The following TNFRSF8 variants were observed in gnomAD, a reference collection of about 807,000 sequenced individuals.
The protein encoded by TNFRSF8 is TNF receptor superfamily member 8, also known as tumor necrosis factor receptor superfamily member 8.
Under a neutral mutation model 70.8 loss-of-function variants are expected in TNFRSF8, and 26 were observed. The ratio of observed to expected loss-of-function variants is 0.37; its 90% CI spans 0.27 to 0.51. TNFRSF8 has a LOEUF of 0.51. Among genes scored for constraint, TNFRSF8 ranks in the 20% least tolerant of loss-of-function variants. The probability of loss-of-function intolerance (pLI) is 0.94; values close to 1 mark genes in which losing one functional copy is unlikely to be tolerated. For missense variants in TNFRSF8, 720 were observed against 807.9 expected, an observed-to-expected ratio of 0.89 and a Z score of 1.32; for synonymous variants, 356 against 339.2, an observed-to-expected ratio of 1.05 and a Z score of -0.54.
At position 12,078,974 on chromosome 1, in the gene TNFRSF8, G is replaced by A. The variant is rs918138816; in HGVS notation, c.64-5490G>A. ...AAGGTGGTGCCCCTGCTGCTGGCCC[G>A]GGGCCTCACCTTGAATAACAGAGCG... On this transcript the variant is annotated intron_variant, in intron 1 of 14. Coordinates refer to ENST00000263932, the MANE Select transcript of TNFRSF8 (RefSeq NM_001243.5). 2.0e-5 allele frequency among the ~76,000 whole-genome samples: 3 copies of A among 152,144 alleles called. No individual in the cohort carries two copies. In the East Asian group the frequency reaches 5.8e-4, roughly 29 times the overall value.
chr1:12,090,694 TG>T (rs1384541170), intron 2 of TNFRSF8, among the ~76,000 whole-genome samples: 1 of 150,756 alleles, frequency 6.6e-6, no homozygotes, highest in African/African-American at 2.4e-5. Context: ...GATTCAACCA[TG>T]GGGGGGCAGC....
chr1:12,081,179 A>G (rs1641056785), intron 1 of TNFRSF8, among the ~76,000 whole-genome samples: 1 of 152,126 alleles, frequency 6.6e-6, no homozygotes, highest in Non-Finnish European at 1.5e-5. Flanking sequence ...GGCAGGAGGG[A>G]AGCATAAGCA....
chr1:12,111,759 C>T (rs1641635501), intron 6 of TNFRSF8, 139 bp from the exon 7 acceptor site: 2 of 720,520 alleles, frequency 2.8e-6, no homozygotes, highest in African/African-American at 1.8e-5. Context: ...CTCAGGACTC[C>T]CTCTGAAAGG....
chr1:12,132,510 A>G (rs1642066611), intron 12 of TNFRSF8, among the ~76,000 whole-genome samples: 1 of 152,068 alleles, frequency 6.6e-6, no homozygotes, highest in South Asian at 2.1e-4. Context: ...GCATTGGGGG[A>G]AGAAGACCAC....
intron 1 of TNFRSF8, among the ~76,000 whole-genome samples, chr1:12,075,921 C>T (rs113900244): frequency 0.013 from 2,004 of 152,244 alleles, 38 homozygotes; most frequent in African/African-American, 0.045. Flanking sequence ...CCTGAGATAA[C>T]CTCCCCTCTG....
Position 12,108,329 on chromosome 1 carries a change from C to T in TNFRSF8, c.422-1237C>T, listed in dbSNP as rs1234071329. On this transcript the variant is annotated intron_variant, in intron 4 of 14. Coordinates refer to ENST00000263932, the MANE Select transcript of TNFRSF8 (RefSeq NM_001243.5). The surrounding 1 kb of genome is among the most constrained non-coding windows in gnomAD (Gnocchi z 4.0). ...TCCTGACCTCATGATCCGCCCACCTCGGCCTCCCAAAGTGTTGGGATTACA... is the reference window on the plus strand; with the variant it reads ...TCCTGACCTCATGATCCGCCCACCTTGGCCTCCCAAAGTGTTGGGATTACA... 3.3e-5 allele frequency among the ~76,000 whole-genome samples: 5 copies of T among 152,038 alleles called. No individual in the cohort carries two copies. Among genetic ancestry groups the T allele is most frequent in the Non-Finnish European group, 5.9e-5 (4 of 67,992 alleles).
chr1:12,140,407 C>G (rs893110089), intron 14 of TNFRSF8, among the ~76,000 whole-genome samples: 1 of 152,196 alleles, frequency 6.6e-6, no homozygotes, highest in Non-Finnish European at 1.5e-5. Context: ...GGGAACCAGG[C>G]AAGGGAAGAA....
intron 8 of TNFRSF8, among the ~76,000 whole-genome samples, chr1:12,120,742 G>T (rs1335420409): frequency 1.3e-5 from 2 of 152,126 alleles, no homozygotes; most frequent in African/African-American, 4.8e-5. Flanking sequence ...GAGAACACAG[G>T]CAGACCAACT....
rs1642200112 is a variant in TNFRSF8, at chr1:12,138,723, C to G, written c.1543+287C>G. Among the ~76,000 whole-genome samples the G allele has an allele frequency of 6.6e-6, 1 of 152,210 alleles. No individual in the cohort carries two copies. Among genetic ancestry groups the G allele is most frequent in the Non-Finnish European group, 1.5e-5 (1 of 68,038 alleles). On this transcript the variant is annotated intron_variant, in intron 14 of 14. Transcript: ENST00000263932. The surrounding 1 kb of genome is among the most constrained non-coding windows in gnomAD (Gnocchi z 5.7). ...CCCCAACACCGAGCACCCGAGGGGA[C>G]AGGAGGAAGACGTGCCAGTGGTCAC...
Position 12,107,169 on chromosome 1 carries a change from C to T in TNFRSF8, c.422-2397C>T, listed in dbSNP as rs578095813. Among the ~76,000 whole-genome samples, 14 of 152,206 alleles carry T rather than the reference C, an allele frequency of 9.2e-5. 1 individual carries two copies. Among genetic ancestry groups the T allele is most frequent in the Non-Finnish European group, 1.6e-4 (11 of 67,998 alleles). The stretch of plus-strand genomic sequence containing the variant: ...CAGCATTTTGGGAGGCTGAGGCAGG[C>T]GGATCACTTGAAGTCAGGAGTTTGA... On this transcript the variant is annotated intron_variant, in intron 4 of 14. Transcript: ENST00000263932.
intron 1 of TNFRSF8, among the ~76,000 whole-genome samples, chr1:12,077,708 A>C (rs1340003222): frequency 6.6e-6 from 1 of 152,150 alleles, no homozygotes; most frequent in Non-Finnish European, 1.5e-5. Flanking sequence ...CACTGGATTT[A>C]GGGACCAGTG....
In TNFRSF8 at chr1:12,112,124, C is replaced by G. The variant is rs955422127; in HGVS notation, c.793+110C>G. 5.4e-6 allele frequency: 4 copies of G among 735,842 alleles called. No individual in the cohort carries two copies. The highest frequency in any genetic ancestry group is 3.6e-5 in the African/African-American group (2 of 56,322). The allele number at this position is 735,842 out of a possible 1,614,324, so 45.6% of individuals were successfully genotyped here. A position where few individuals can be genotyped will look rare whatever the true frequency, so the allele number is the denominator to read the frequency against. ...TTTGTGGGTTTTTGATGGGGGTCGC[C>G]TCTTTTCAGAGGGCTTCCATTGGCA... On this transcript the variant is annotated intron_variant, in intron 7 of 14. Transcript: ENST00000263932. The surrounding 1 kb of genome is among the most constrained non-coding windows in gnomAD (Gnocchi z 5.3).
Position 12,063,533 on chromosome 1 carries a change from C to T in TNFRSF8, c.-66C>T. The T allele has an allele frequency of 7.8e-7, 1 of 1,279,834 alleles. No individual in the cohort carries two copies. 79.3% of individuals were successfully genotyped at this position (1,279,834 alleles called of 1,614,324 possible). On this transcript the variant is annotated 5_prime_UTR_variant, in exon 1 of 15. Coordinates refer to ENST00000263932, the MANE Select transcript of TNFRSF8 (RefSeq NM_001243.5). This position sits in a 1 kb window ranked among gnomAD's most constrained non-coding sequence, Gnocchi z 7.2. ...GAACCGCCGGGACCGCACGTGGGCG[C>T]CGCGCGCTTCCCCCGCTTCCCAGGT...
chr1:12,097,284 G>T (rs1641348434), intron 3 of TNFRSF8, 67 bp downstream of exon 3: 4 of 1,138,432 alleles, frequency 3.5e-6, no homozygotes, highest in Non-Finnish European at 5.3e-6. Flanking sequence ...GAGGAGAGGT[G>T]AAGAATCTGG....
intron 14 of TNFRSF8, among the ~76,000 whole-genome samples, chr1:12,140,121 G>C (rs987854711): frequency 6.6e-6 from 1 of 152,240 alleles, no homozygotes; most frequent in African/African-American, 2.4e-5. Context: ...GGTTCAGAGG[G>C]TGTTTGATGG....
chr1:12,143,084 TGGGG>T lies in TNFRSF8; in HGVS notation c.*554_*557del. 6.5e-6 allele frequency: 1 copy of T among 154,716 alleles called. No individual in the cohort carries two copies. The highest frequency in any genetic ancestry group is 1.9e-4 in the South Asian group (1 of 5,196). The allele number at this position is 154,716 out of a possible 1,614,324, so 9.6% of individuals were successfully genotyped here. The stretch of plus-strand genomic sequence containing the variant: ...CAGAGTCAAAAGGGAAGTCGAGGGA[TGGGG>T]CGTCGTCAGCTGGCACTGTCTCTGC... On this transcript the variant is annotated 3_prime_UTR_variant, in exon 15 of 15. Coordinates refer to ENST00000263932, the MANE Select transcript of TNFRSF8 (RefSeq NM_001243.5). The surrounding 1 kb of genome is among the most constrained non-coding windows in gnomAD (Gnocchi z 4.1).
intron 4 of TNFRSF8, among the ~76,000 whole-genome samples, chr1:12,105,994 T>A (rs1421978119): frequency 6.6e-6 from 1 of 150,920 alleles, no homozygotes; most frequent in Admixed American, 6.6e-5. Context: ...GTCCTTCAGG[T>A]CCCAAGGCCC....
intron 8 of TNFRSF8, among the ~76,000 whole-genome samples, chr1:12,122,627 G>A (rs549536741): frequency 1.3e-5 from 2 of 151,860 alleles, no homozygotes; most frequent in African/African-American, 4.8e-5. Context: ...AGTCTGGGCA[G>A]CAGAGGAAGA....
Position 12,125,972 on chromosome 1 carries a change from T to G in TNFRSF8, c.1175T>G (p.Ile392Ser). The part of the protein sequence containing the change: ...LDAGPVLFWV[I>S]LVLVVVVGSS... Reference sequence around the variant, plus strand: ...CCAGGGCCAGTGCTCTTCTGGGTGATCCTGGTGTTGGTTGTGGTGGTCGGC... The same window carrying G: ...CCAGGGCCAGTGCTCTTCTGGGTGAGCCTGGTGTTGGTTGTGGTGGTCGGC... Residue 392 changes from isoleucine (I) to serine (S), a missense_variant, in exon 11 of 15, where the codon ATC becomes AGC. Ile to Ser is a moderately radical substitution (Grantham distance 142). Coordinates refer to ENST00000263932, the MANE Select transcript of TNFRSF8 (RefSeq NM_001243.5). 1 of 1,614,102 alleles carries G rather than the reference T, an allele frequency of 6.2e-7. No individual in the cohort carries two copies.
Sources: allele counts gnomAD v4.1 joint callset (sites outside exome capture counted in the v4.1 genomes callset), GRCh38; gene constraint gnomAD v4.1.1; non-coding constraint Gnocchi (gnomAD v3.1); transcripts MANE v1.5; gene names NCBI Gene and HGNC (gene_info 2026-07-23, HGNC 2026-07-21).